CCDC60: variants seen among roughly 807,000 people sequenced by gnomAD.
CCDC60 encodes the protein coiled-coil domain-containing protein 60.
In CCDC60, 54 loss-of-function variants were observed where a neutral mutation model predicts 63.5. The observed-to-expected ratio is 0.85, with a 90% confidence interval of 0.68 to 1.07. CCDC60 has a LOEUF of 1.07. Ranked by LOEUF, CCDC60 falls within the 50% of genes least tolerant of loss-of-function variation. The pLI, the probability that CCDC60 is intolerant of heterozygous loss-of-function variation, is 0.00. For synonymous variants in CCDC60, 206 were observed against 238.8 expected, an observed-to-expected ratio of 0.86 and a Z score of 1.27; for missense variants, 651 against 684.3, an observed-to-expected ratio of 0.95 and a Z score of 0.54.
chr12:119,487,827 A>G (rs928553698), intron 4 of CCDC60, among the ~76,000 whole-genome samples: 8 of 152,116 alleles, frequency 5.3e-5, no homozygotes, highest in Non-Finnish European at 1.2e-4. Flanking sequence ...AAAAAATCAG[A>G]AAATGTAGGT....
intron 10 of CCDC60, 87 bp downstream of exon 10, chr12:119,523,088 C>T (rs1952574566): frequency 8.5e-7 from 1 of 1,178,490 alleles, no homozygotes; most frequent in Non-Finnish European, 1.3e-6. Context: ...AGAAATGACC[C>T]AATGCAGACC....
At position 119,523,723 on chromosome 12, in the gene CCDC60, C is replaced by T. The variant is rs376933242; in HGVS notation, c.1134C>T (p.Tyr378=). 1.3e-4 allele frequency: 205 copies of T among 1,614,116 alleles called. No individual in the cohort carries two copies. The highest frequency in any genetic ancestry group is 1.7e-4 in the Non-Finnish European group (202 of 1,179,946). ...CTAATTGTGACATCAACATCCACTACAAGAGTGGGGTGTGTAACACCATGA... is the reference window on the plus strand; with the variant it reads ...CTAATTGTGACATCAACATCCACTATAAGAGTGGGGTGTGTAACACCATGA... ...NRTNCDINIH[Y]KSGVCNTMRA... is the part of the protein sequence containing the mutation. The change falls in exon 11 of 14, where the codon TAC becomes TAT. Residue 378 remains tyrosine (Y), a synonymous_variant. Coordinates refer to ENST00000327554, the MANE Select transcript of CCDC60 (RefSeq NM_178499.5).
At chr12:119,445,394 A>C (rs1950523570) in intron 2 of CCDC60, among the ~76,000 whole-genome samples, 1 of 136,216 alleles carries the variant, frequency 7.3e-6, no homozygotes, top group Non-Finnish European at 1.5e-5. Context: ...GGATCACACC[A>C]CTGCACTCCA....
At chr12:119,529,519 T>C (rs1168021100) in intron 12 of CCDC60, among the ~76,000 whole-genome samples, 1 of 152,104 alleles carries the variant, frequency 6.6e-6, no homozygotes, top group Non-Finnish European at 1.5e-5. Context: ...CACTAAGATT[T>C]AAGAGTAAGA....
In CCDC60 at chr12:119,445,515, C is replaced by T. The variant is rs1235026175; in HGVS notation, c.170+16753C>T. Reference sequence around the variant, plus strand: ...CTAAAAAAAAAAAAAAAATGCAGGACAACCAAATCAAGCAGGCTGCAAAGT... The same window carrying T: ...CTAAAAAAAAAAAAAAAATGCAGGATAACCAAATCAAGCAGGCTGCAAAGT... On this transcript the variant is annotated intron_variant, in intron 2 of 13. Coordinates refer to ENST00000327554, the MANE Select transcript of CCDC60 (RefSeq NM_178499.5). 2.4e-5 allele frequency among the ~76,000 whole-genome samples: 3 copies of T among 125,156 alleles called. No individual in the cohort carries two copies. The East Asian group carries it at 7.2e-4, about 30-fold the overall frequency. The allele number at this position is 125,156 out of a possible 152,430, so 82.1% of individuals were successfully genotyped here. A position where few individuals can be genotyped will look rare whatever the true frequency, so the allele number is the denominator to read the frequency against.
chr12:119,419,009 C>A (rs558479990), intron 1 of CCDC60, among the ~76,000 whole-genome samples: 1 of 152,230 alleles, frequency 6.6e-6, no homozygotes, highest in Non-Finnish European at 1.5e-5. Context: ...TTTCATGCAG[C>A]GGAAGTCAGA....
At chr12:119,479,012 C>T (rs1951240555) in intron 3 of CCDC60, 82 bp from the exon 4 acceptor site, 14 of 946,658 alleles carry the variant, frequency 1.5e-5, no homozygotes, top group East Asian at 4.8e-5. Context: ...TCATATCTGC[C>T]GAATAGACCG....
intron 2 of CCDC60, among the ~76,000 whole-genome samples, chr12:119,452,848 A>C (rs139329662): frequency 7.3e-5 from 11 of 151,402 alleles, no homozygotes; most frequent in African/African-American, 2.2e-4. Flanking sequence ...TTTTAGATGG[A>C]CCCTCACTCT....
At chr12:119,371,457 G>A (rs1955897111) in intron 1 of CCDC60, among the ~76,000 whole-genome samples, 1 of 152,162 alleles carries the variant, frequency 6.6e-6, no homozygotes, top group Non-Finnish European at 1.5e-5. Flanking sequence ...GTGAATGAAT[G>A]AAATGAATGA....
intron 7 of CCDC60, among the ~76,000 whole-genome samples, chr12:119,512,365 G>A (rs761394118): frequency 1.3e-5 from 2 of 152,168 alleles, no homozygotes; most frequent in Non-Finnish European, 2.9e-5. Flanking sequence ...GACCCCATGT[G>A]CTAAGCATGC....
chr12:119,423,224 T>G (rs1956844358), intron 1 of CCDC60, among the ~76,000 whole-genome samples: 1 of 152,110 alleles, frequency 6.6e-6, no homozygotes. Flanking sequence ...GGATATGCAT[T>G]TTAGCCATGG....
intron 4 of CCDC60, among the ~76,000 whole-genome samples, chr12:119,487,303 T>C (rs1279521360): frequency 1.3e-5 from 2 of 151,534 alleles, no homozygotes; most frequent in African/African-American, 4.8e-5. Flanking sequence ...TGAGCTTTTT[T>C]TTTTTTTTTT....
At chr12:119,345,982 A>ATTT (rs768961316) in intron 1 of CCDC60, among the ~76,000 whole-genome samples, 3 of 118,670 alleles carry the variant, frequency 2.5e-5, no homozygotes, top group Admixed American at 8.8e-5. Context: ...TACCCAGCTG[A>ATTT]TTTTTTTTTT....
chr12:119,368,061 AAAAG>A (rs1257124336), intron 1 of CCDC60, among the ~76,000 whole-genome samples: 4 of 144,732 alleles, frequency 2.8e-5, no homozygotes, highest in Admixed American at 1.4e-4. Flanking sequence ...TCTGAAGAAA[AAAAG>A]AAGAACAAGA....
intron 1 of CCDC60, among the ~76,000 whole-genome samples, chr12:119,365,827 A>G (rs1242437956): frequency 6.6e-6 from 1 of 152,190 alleles, no homozygotes; most frequent in African/African-American, 2.4e-5. Flanking sequence ...GCTCTCTTTG[A>G]TAGGAGACAC....
intron 1 of CCDC60, among the ~76,000 whole-genome samples, chr12:119,374,490 G>A (rs1955931097): frequency 6.6e-6 from 1 of 152,174 alleles, no homozygotes; most frequent in South Asian, 2.1e-4. Flanking sequence ...TTGCAATCTG[G>A]ACGGGAAAGG....
chr12:119,359,181 A>T (rs1955747017), intron 1 of CCDC60, among the ~76,000 whole-genome samples: 1 of 152,170 alleles, frequency 6.6e-6, no homozygotes, highest in Non-Finnish European at 1.5e-5. Context: ...TTTAATCTGC[A>T]TTTCCTTAAT....
chr12:119,432,510 A>T (rs961539048), intron 2 of CCDC60, among the ~76,000 whole-genome samples: 33 of 152,234 alleles, frequency 2.2e-4, no homozygotes, highest in Non-Finnish European at 1.8e-4. Flanking sequence ...GCCTTCAGGT[A>T]GATGAGGCCA....
At chr12:119,386,232 C>T (rs1208999684) in intron 1 of CCDC60, among the ~76,000 whole-genome samples, 1 of 152,174 alleles carries the variant, frequency 6.6e-6, no homozygotes, top group East Asian at 1.9e-4. Flanking sequence ...CCTCATCTGT[C>T]CATGTTCAGC....
Sources: gnomAD v4.1 joint callset for allele counts (sites outside exome capture counted in the v4.1 genomes callset) on GRCh38, gnomAD v4.1.1 for gene constraint, MANE v1.5 for transcripts, NCBI Gene and HGNC (gene_info 2026-07-23, HGNC 2026-07-21) for gene names.